The following BCAT1 variants were observed in gnomAD, a reference collection of about 807,000 sequenced individuals.
The protein encoded by BCAT1 is branched chain amino acid transaminase 1, also known as branched-chain-amino-acid aminotransferase, cytosolic.
BCAT1 carries 48 observed loss-of-function variants against 52.4 expected under a neutral mutation model. The observed-to-expected ratio is 0.92, with a 90% CI of 0.73 to 1.16. BCAT1 has a LOEUF of 1.16. Among genes scored for constraint, BCAT1 ranks in the 50% most tolerant of loss-of-function variants. The pLI is 0.00. For missense variants in BCAT1, 451 were observed against 457.1 expected (o/e 0.99, Z 0.12); for synonymous variants, 167 against 161.3 (o/e 1.04, Z -0.27).
At chr12:24,862,121 A>G (rs926023494) in intron 5 of BCAT1, among the ~76,000 whole-genome samples, 3 of 152,188 alleles carry the variant, frequency 2.0e-5, no homozygotes, top group Non-Finnish European at 2.9e-5. Context: ...AGAAATAACC[A>G]TAAAAATAGC....
intron 7 of BCAT1, among the ~76,000 whole-genome samples, chr12:24,841,843 G>A (rs1355901439): frequency 6.6e-6 from 1 of 152,066 alleles, no homozygotes; most frequent in East Asian, 1.9e-4. Flanking sequence ...AGGGTGCAGT[G>A]AGCTGAGATC....
rs1181795445 is a variant in BCAT1, at chr12:24,811,638, T to TA, written c.*6369dup. On this transcript the variant is annotated 3_prime_UTR_variant, in exon 11 of 11. Coordinates refer to ENST00000261192, the MANE Select transcript of BCAT1 (RefSeq NM_005504.7). The stretch of plus-strand genomic sequence containing the variant: ...TTCCATTATTACACTTTTAGTGAGC[T>TA]AAAATCCTTTTAACATAGCCTGCGG... 1 of 152,192 alleles carries TA rather than the reference T, an allele frequency of 6.6e-6. No homozygotes were observed. The highest frequency in any genetic ancestry group is 1.5e-5 in the Non-Finnish European group (1 of 67,998). 9.4% of individuals were successfully genotyped at this position (152,192 alleles called of 1,614,324 possible).
At chr12:24,924,789 C>T (rs908621623) in intron 1 of BCAT1, among the ~76,000 whole-genome samples, 1 of 152,182 alleles carries the variant, frequency 6.6e-6, no homozygotes, top group Non-Finnish European at 1.5e-5. Context: ...CCAGATATGA[C>T]ATGATCTCTC....
chr12:24,927,642 A>G (rs1289143312), intron 1 of BCAT1, among the ~76,000 whole-genome samples: 3 of 152,232 alleles, frequency 2.0e-5, no homozygotes, highest in East Asian at 1.9e-4. Flanking sequence ...AACTCTGTAG[A>G]TTAGAAAGAA....
intron 1 of BCAT1, among the ~76,000 whole-genome samples, chr12:24,909,487 A>C (rs768719921): frequency 2.6e-5 from 4 of 152,226 alleles, no homozygotes; most frequent in Non-Finnish European, 5.9e-5. Context: ...AAAGTGCCAC[A>C]AACTGGGTAG....
At chr12:24,831,023 C>T (rs11047668) in intron 9 of BCAT1, among the ~76,000 whole-genome samples, 38,388 of 151,976 alleles carry the variant, frequency 0.25, 5,652 homozygotes, top group Non-Finnish European at 0.32. Flanking sequence ...TTGAACAACA[C>T]GGGTTTGAAC....
intron 4 of BCAT1, among the ~76,000 whole-genome samples, chr12:24,880,177 G>A (rs912598994): frequency 6.6e-6 from 1 of 152,308 alleles, no homozygotes; most frequent in African/African-American, 2.4e-5. Flanking sequence ...AGCTGGGCAC[G>A]GTGGCTCATG....
chr12:24,933,871 G>A (rs534603214), intron 1 of BCAT1, among the ~76,000 whole-genome samples: 1 of 152,168 alleles, frequency 6.6e-6, no homozygotes, highest in South Asian at 2.1e-4. Context: ...TTTACATAGG[G>A]CTCACAGATT....
At chr12:24,876,259 G>GT (rs753926754) in intron 5 of BCAT1, among the ~76,000 whole-genome samples, 1 of 50,346 alleles carries the variant, frequency 2.0e-5, no homozygotes. Context: ...GGAGGGAGAT[G>GT]TAAAAAAAAA....
At chr12:24,897,213 G>A (rs1372080565) in intron 2 of BCAT1, among the ~76,000 whole-genome samples, 1 of 152,174 alleles carries the variant, frequency 6.6e-6, no homozygotes, top group African/African-American at 2.4e-5. Flanking sequence ...TGACAAGAAT[G>A]ATTATGATCC....
intron 6 of BCAT1, 109 bp from the exon 7 acceptor site, chr12:24,842,333 G>A (rs755732865): frequency 4.9e-5 from 60 of 1,221,062 alleles, no homozygotes; most frequent in Non-Finnish European, 6.6e-5. Context: ...ACATAGTGAA[G>A]GTATTATGTT....
intron 1 of BCAT1, among the ~76,000 whole-genome samples, chr12:24,934,470 A>G (rs1199882207): frequency 6.6e-6 from 1 of 152,234 alleles, no homozygotes; most frequent in Non-Finnish European, 1.5e-5. Context: ...TTACATAATG[A>G]GTACTCCTCA....
intron 1 of BCAT1, among the ~76,000 whole-genome samples, chr12:24,913,638 T>C (rs34329602): frequency 0.084 from 12,751 of 152,174 alleles, 703 homozygotes; most frequent in Non-Finnish European, 0.13. Context: ...TGAGCCCCCT[T>C]AGGTTAGGTT....
At chr12:24,860,442 C>A (rs764400833) in intron 5 of BCAT1, among the ~76,000 whole-genome samples, 1 of 152,020 alleles carries the variant, frequency 6.6e-6, no homozygotes, top group East Asian at 1.9e-4. Flanking sequence ...GTAAATTATA[C>A]TCCTATGAGA....
chr12:24,871,220 C>T (rs1172066116), intron 5 of BCAT1, among the ~76,000 whole-genome samples: 2 of 152,038 alleles, frequency 1.3e-5, no homozygotes, highest in African/African-American at 4.8e-5. Context: ...TGGGCCTGGG[C>T]CTTTTGCTGG....
chr12:24,881,615 A>C (rs148417535), intron 3 of BCAT1, among the ~76,000 whole-genome samples: 94 of 152,340 alleles, frequency 6.2e-4, no homozygotes, highest in Non-Finnish European at 1.1e-3. Context: ...AAGTTATTTT[A>C]TTATCAGAAT....
intron 3 of BCAT1, among the ~76,000 whole-genome samples, chr12:24,881,745 C>T (rs999391281): frequency 9.2e-5 from 14 of 152,278 alleles, no homozygotes; most frequent in African/African-American, 3.4e-4. Context: ...CAGGTTAATT[C>T]CCTAGGCAAT....
intron 5 of BCAT1, among the ~76,000 whole-genome samples, chr12:24,875,352 T>C (rs2062497): frequency 0.16 from 24,418 of 152,226 alleles, 2,015 homozygotes; most frequent in East Asian, 0.22. Flanking sequence ...ATTCTGCCTA[T>C]ACCATTAATT....
chr12:24,920,593 C>T (rs1943487704), intron 1 of BCAT1, among the ~76,000 whole-genome samples: 1 of 152,150 alleles, frequency 6.6e-6, no homozygotes, highest in African/African-American at 2.4e-5. Context: ...CTTCTGGACC[C>T]CAAAATATAT....
Sources: gnomAD v4.1 joint callset for allele counts (sites outside exome capture counted in the v4.1 genomes callset) on GRCh38, gnomAD v4.1.1 for gene constraint, MANE v1.5 for transcripts, NCBI Gene and HGNC (gene_info 2026-07-23, HGNC 2026-07-21) for gene names.